SHANK2: variants seen among roughly 807,000 people sequenced by gnomAD.
SHANK2 encodes SH3 and multiple ankyrin repeat domains protein 2.
In SHANK2, 43 loss-of-function variants were observed where a neutral mutation model predicts 133.7. That is an observed-to-expected ratio of 0.32 (90% confidence interval 0.25 to 0.41). SHANK2 has a LOEUF of 0.41. Among genes scored for constraint, SHANK2 ranks in the 10% least tolerant of loss-of-function variants. The pLI is 1.00. For synonymous variants in SHANK2, 1,017 were observed against 952.8 expected (o/e 1.07, Z -1.24); for missense variants, 1,994 against 2,235.8 (o/e 0.89, Z 2.18).
intron 2 of SHANK2, among the ~76,000 whole-genome samples, chr11:71,186,359 C>T (rs577388992): frequency 6.6e-6 from 1 of 152,192 alleles, no homozygotes; most frequent in Non-Finnish European, 1.5e-5. Context: ...AGTTTGGACC[C>T]GCAGACTGAA....
At chr11:71,214,420 C>T (rs1403722017) in intron 2 of SHANK2, among the ~76,000 whole-genome samples, 1 of 152,206 alleles carries the variant, frequency 6.6e-6, no homozygotes, top group Non-Finnish European at 1.5e-5. Flanking sequence ...CCTTCTTTTC[C>T]ACCCACAGCC....
At chr11:70,740,570 T>C (rs1220204666) in intron 14 of SHANK2, among the ~76,000 whole-genome samples, 1 of 152,152 alleles carries the variant, frequency 6.6e-6, no homozygotes, top group Non-Finnish European at 1.5e-5. Flanking sequence ...GAACTGGGAC[T>C]GAAGTCTTCC....
intron 17 of SHANK2, among the ~76,000 whole-genome samples, chr11:70,506,922 A>C (rs1378545812): frequency 6.6e-6 from 1 of 152,156 alleles, no homozygotes; most frequent in East Asian, 1.9e-4. Context: ...ATCCACACAC[A>C]TCCTAGGATG....
At chr11:71,095,933 G>A (rs529251986) in intron 6 of SHANK2, among the ~76,000 whole-genome samples, 1 of 140,610 alleles carries the variant, frequency 7.1e-6, no homozygotes, top group Non-Finnish European at 1.6e-5. Context: ...GCTGTGTGTA[G>A]ACATGCCAAC....
chr11:71,216,871 A>G (rs1954424365), intron 2 of SHANK2, among the ~76,000 whole-genome samples: 1 of 152,208 alleles, frequency 6.6e-6, no homozygotes, highest in African/African-American at 2.4e-5. Flanking sequence ...TGCATTTACT[A>G]TATTTTTTAG....
At chr11:70,525,945 C>G (rs183919318) in intron 17 of SHANK2, among the ~76,000 whole-genome samples, 3 of 152,098 alleles carry the variant, frequency 2.0e-5, no homozygotes, top group Admixed American at 1.3e-4. Flanking sequence ...GCCCATCATT[C>G]TCAGCCAGCA....
chr11:71,237,347 T>C (rs1954837440), intron 1 of SHANK2, among the ~76,000 whole-genome samples: 1 of 152,080 alleles, frequency 6.6e-6, no homozygotes, highest in African/African-American at 2.4e-5. Context: ...TAAGTAAAGT[T>C]TTTATTGGAA....
chr11:70,765,703 G>A (rs1947105600), intron 14 of SHANK2, among the ~76,000 whole-genome samples: 1 of 152,184 alleles, frequency 6.6e-6, no homozygotes, highest in Non-Finnish European at 1.5e-5. Flanking sequence ...GAAATCCCCT[G>A]CGAGAGACCC....
chr11:71,156,191 T>A (rs1952903959), intron 2 of SHANK2, among the ~76,000 whole-genome samples: 1 of 152,212 alleles, frequency 6.6e-6, no homozygotes, highest in South Asian at 2.1e-4. Flanking sequence ...AGACTGCCAG[T>A]TCTGTGGTGC....
chr11:70,581,436 A>G (rs1468307577), intron 17 of SHANK2, among the ~76,000 whole-genome samples: 1 of 152,128 alleles, frequency 6.6e-6, no homozygotes, highest in Non-Finnish European at 1.5e-5. Context: ...CATGCCTGTA[A>G]TCCCAGCCCT....
chr11:71,232,226 T>A (rs560783059), intron 1 of SHANK2, among the ~76,000 whole-genome samples: 5 of 152,020 alleles, frequency 3.3e-5, no homozygotes, highest in East Asian at 3.9e-4. Context: ...ATAGAGCAAG[T>A]AGGGGTGGAA....
chr11:71,088,142 T>G (rs1951443706), intron 8 of SHANK2, among the ~76,000 whole-genome samples: 1 of 152,154 alleles, frequency 6.6e-6, no homozygotes, highest in Non-Finnish European at 1.5e-5. Context: ...GAAAAAAGAC[T>G]GAGGTCCCCT....
intron 11 of SHANK2, among the ~76,000 whole-genome samples, chr11:70,886,082 G>A (rs1949738867): frequency 6.6e-6 from 1 of 152,130 alleles, no homozygotes; most frequent in African/African-American, 2.4e-5. Context: ...CCCGGCATGC[G>A]GAGTCAGCAC....
Position 71,075,224 on chromosome 11 carries a change from C to T in SHANK2, c.964G>A (p.Ala322Thr). 3.9e-6 allele frequency: 1 copy of T among 254,324 alleles called. No homozygotes were observed. Among genetic ancestry groups the T allele is most frequent in the Non-Finnish European group, 8.1e-6 (1 of 122,716 alleles). 15.8% of individuals were successfully genotyped at this position (254,324 alleles called of 1,614,324 possible). The change falls in exon 9 of 26, where the codon GCA becomes ACA. Residue 322 changes from alanine (A) to threonine (T), a missense_variant. Physicochemically the swap from Ala to Thr is moderately conservative, Grantham distance 58. This residue lies in a region of SHANK2 where 653 missense variants were observed against 563.4 expected (regional missense o/e 1.16). Transcript: ENST00000601538. The part of the protein sequence containing the change: ...QHLEHLLFYG[A>T]DMSAQNASGN... ...GAGGCATTCTGGGCACTCATGTCTG[C>T]CCCGTAGAACAGCAGGTGCTCCAGG...
intron 14 of SHANK2, among the ~76,000 whole-genome samples, chr11:70,712,355 G>A (rs1555026359): frequency 6.6e-6 from 1 of 152,158 alleles, no homozygotes; most frequent in African/African-American, 2.4e-5. Flanking sequence ...TGACCATGAG[G>A]CTGATGTATT....
At chr11:70,682,609 G>C (rs1945052266) in intron 15 of SHANK2, among the ~76,000 whole-genome samples, 1 of 152,236 alleles carries the variant, frequency 6.6e-6, no homozygotes, top group African/African-American at 2.4e-5. Context: ...ATGGAAAAGT[G>C]GGCACTGTTG....
At chr11:70,715,449 G>A (rs1459359007) in intron 14 of SHANK2, among the ~76,000 whole-genome samples, 1 of 152,150 alleles carries the variant, frequency 6.6e-6, no homozygotes, top group Non-Finnish European at 1.5e-5. Context: ...TGCAGCTCTC[G>A]GGCCAAGCCA....
chr11:70,565,162 T>A (rs1255084306), intron 17 of SHANK2, among the ~76,000 whole-genome samples: 1 of 152,204 alleles, frequency 6.6e-6, no homozygotes, highest in Non-Finnish European at 1.5e-5. Context: ...GGTAGTTCTG[T>A]ATCCTGGTCT....
chr11:71,129,222 C>T (rs1415385355), intron 3 of SHANK2, among the ~76,000 whole-genome samples: 1 of 152,182 alleles, frequency 6.6e-6, no homozygotes, highest in Admixed American at 6.5e-5. Context: ...GACTTCACAG[C>T]GGGGCTGACG....
Sources: gnomAD v4.1 joint callset for allele counts (sites outside exome capture counted in the v4.1 genomes callset) on GRCh38, gnomAD v4.1.1 for gene constraint, gnomAD v4.1.1 regional missense constraint, MANE v1.5 for transcripts, NCBI Gene and HGNC (gene_info 2026-07-23, HGNC 2026-07-21) for gene names.